Variants in BAIAP2 observed in about 807,000 individuals in gnomAD.
BAIAP2 encodes BAR/IMD domain-containing adapter protein 2.
Under a neutral mutation model 63.0 loss-of-function variants are expected in BAIAP2, and 18 were observed. The observed-to-expected ratio is 0.29, with a 90% CI of 0.20 to 0.42. BAIAP2 has a LOEUF of 0.42. Ranked by LOEUF, BAIAP2 falls within the 10% of genes least tolerant of loss-of-function variation. The pLI, the probability that BAIAP2 is intolerant of heterozygous loss-of-function variation, is 1.00. For synonymous variants in BAIAP2, 386 were observed against 307.6 expected (o/e 1.25, Z -2.67); for missense variants, 610 against 734.3 (o/e 0.83, Z 1.96).
rs1361979470 is a variant in BAIAP2 at position 81,098,847 on chromosome 17, G to A, written c.490-1081G>A. On this transcript the variant is annotated intron_variant, in intron 6 of 13. Coordinates refer to ENST00000428708, the MANE Select transcript of BAIAP2 (RefSeq NM_001144888.2). ...CGGGTCAGGGTGGGGACCGCCTGCTGGCTGCCCTGGTTCTAGGGTCTGGCT... is the reference window on the plus strand; with the variant it reads ...CGGGTCAGGGTGGGGACCGCCTGCTAGCTGCCCTGGTTCTAGGGTCTGGCT... 3.7e-4 allele frequency among the ~76,000 whole-genome samples: 56 copies of A among 152,232 alleles called. 1 individual carries two copies. Among genetic ancestry groups the A allele is most frequent in the Admixed American group, 3.6e-3 (55 of 15,290 alleles).
intron 1 of BAIAP2, chr17:81,035,885 C>CTGGGT (rs2046180211): frequency 6.6e-6 from 1 of 152,282 alleles, no homozygotes; most frequent in Non-Finnish European, 1.5e-5. Context: ...GGCGCCCATG[C>CTGGGT]TGGGGCCTAA....
Position 81,104,666 on chromosome 17 carries a change from C to A in BAIAP2, c.1219C>A (p.Pro407Thr). Residue 407 changes from proline (P) to threonine (T), a missense_variant, in exon 10 of 14, where the codon CCT becomes ACT. Physicochemically the swap from Pro to Thr is conservative, Grantham distance 38. This residue lies in a region of BAIAP2 where 67 missense variants were observed against 132.0 expected (regional missense o/e 0.51). Transcript: ENST00000428708. ...GGGTGACCTCATTACCCTGCTGGTG[C>A]CTGAGGCCCGCGATGGCTGGCACTA... is the stretch of plus-strand genomic sequence containing the variant. ...KEGDLITLLV[P>T]EARDGWHYGE... The A allele has an allele frequency of 6.2e-7, 1 of 1,606,586 alleles. No homozygotes were observed. Among genetic ancestry groups the A allele is most frequent in the South Asian group, 1.1e-5 (1 of 90,052 alleles).
chr17:81,098,035 G>GC, intron 6 of BAIAP2: 1 of 1,113,024 alleles, frequency 9.0e-7, no homozygotes, highest in Non-Finnish European at 1.1e-6. Context: ...TAGGGCTGTG[G>GC]TGTCACGCGC....
At chr17:81,087,217 C>T (rs1390523511) in intron 6 of BAIAP2, among the ~76,000 whole-genome samples, 1 of 152,212 alleles carries the variant, frequency 6.6e-6, no homozygotes, top group Non-Finnish European at 1.5e-5. Context: ...GTAAAGGAAA[C>T]ATCAGGAAAA....
intron 1 of BAIAP2, among the ~76,000 whole-genome samples, chr17:81,050,566 G>A (rs1299726350): frequency 6.6e-6 from 1 of 152,132 alleles, no homozygotes; most frequent in African/African-American, 2.4e-5. Flanking sequence ...CTTCCACCCG[G>A]GGGCCTGTGG....
chr17:81,085,624 A>G (rs1324187282), intron 4 of BAIAP2, 30 bp from the exon 5 acceptor site: 21 of 1,597,518 alleles, frequency 1.3e-5, no homozygotes, highest in Non-Finnish European at 1.8e-5. Flanking sequence ...GTTGGAGCTG[A>G]CGGCTGATGT....
At chr17:81,066,152 G>A (rs1005248662) in intron 3 of BAIAP2, among the ~76,000 whole-genome samples, 26 of 152,368 alleles carry the variant, frequency 1.7e-4, no homozygotes, top group Middle Eastern at 3.4e-3. Context: ...GTGTGTTTTT[G>A]TCCTTTGAAG....
intron 12 of BAIAP2, 186 bp downstream of exon 12, chr17:81,107,093 C>CGCCTCGCCGCAGCAGGCTCCCT: frequency 1.5e-6 from 1 of 689,276 alleles, no homozygotes; most frequent in South Asian, 2.3e-5. Flanking sequence ...TCAGGCTGCC[C>CGCCTCGCCGCAGCAGGCTCCCT]GCCTCGCCGC....
At chr17:81,084,686 C>G in intron 3 of BAIAP2, 146 bp from the exon 4 acceptor site, 1 of 731,426 alleles carries the variant, frequency 1.4e-6, no homozygotes, top group Middle Eastern at 2.4e-4. Context: ...CCCCTCTCCG[C>G]CCTCCCTTCT....
intron 5 of BAIAP2, 118 bp downstream of exon 5, chr17:81,085,843 T>G: frequency 1.3e-6 from 1 of 763,922 alleles, no homozygotes; most frequent in Non-Finnish European, 2.2e-6. Flanking sequence ...CCCGTCCACA[T>G]GGGCCCCAGC....
intron 13 of BAIAP2, among the ~76,000 whole-genome samples, chr17:81,111,500 C>T (rs920894051): frequency 6.6e-6 from 1 of 152,258 alleles, no homozygotes; most frequent in African/African-American, 2.4e-5. Context: ...CTTGCCTCTT[C>T]TGTCCCCCAA....
chr17:81,075,641 C>T (rs925000520), intron 3 of BAIAP2, among the ~76,000 whole-genome samples: 1 of 152,232 alleles, frequency 6.6e-6, no homozygotes, highest in African/African-American at 2.4e-5. Context: ...AAGGACCCTA[C>T]CTCCACCTGT....
intron 1 of BAIAP2, among the ~76,000 whole-genome samples, chr17:81,044,084 T>A (rs1004802975): frequency 5.3e-5 from 8 of 152,192 alleles, no homozygotes; most frequent in African/African-American, 1.7e-4. Flanking sequence ...CCTGTGTTCC[T>A]GAGTGTGGCC....
rs1326178487 is a variant in BAIAP2, at chr17:81,106,899, T to C, written c.1492T>C (p.Phe498Leu). The change falls in exon 12 of 14, where the codon TTC becomes CTC. Residue 498 changes from phenylalanine (F) to leucine (L), a missense_variant. Phe to Leu is a conservative substitution (Grantham distance 22, BLOSUM62 0). Around this residue, in one of 5 missense-constraint regions of BAIAP2, gnomAD observed 114 missense variants for 98.2 expected, o/e 1.16. Transcript: ENST00000428708. ...GCCCTACAGTGTGGCCGTGCCCGCC[T>C]TCTCCCAGGTCAGTGGGCGGGGCCG... ...QRPYSVAVPA[F>L]SQGLDDYGAR... 1.5e-5 allele frequency: 24 copies of C among 1,552,530 alleles called. No individual in the cohort carries two copies. The highest frequency in any genetic ancestry group is 1.9e-5 in the Non-Finnish European group (22 of 1,148,962).
At position 81,102,612 on chromosome 17, in the gene BAIAP2, C is replaced by A. The variant is rs2058647814; in HGVS notation, c.643-890C>A. Among the ~76,000 whole-genome samples the A allele has an allele frequency of 2.6e-5, 4 of 152,332 alleles. No individual in the cohort carries two copies. The South Asian group carries it at 8.3e-4, about 32-fold the overall frequency. ...GTGGTTTGCTGACCCCTGGTCTGAGCCAGCAGCAGAGGGGTAGGGGTGGCA... is the reference window on the plus strand; with the variant it reads ...GTGGTTTGCTGACCCCTGGTCTGAGACAGCAGCAGAGGGGTAGGGGTGGCA... On this transcript the variant is annotated intron_variant, in intron 7 of 13. Coordinates refer to ENST00000428708, the MANE Select transcript of BAIAP2 (RefSeq NM_001144888.2).
At chr17:81,040,675 A>G (rs1292017467) in intron 1 of BAIAP2, among the ~76,000 whole-genome samples, 1 of 152,232 alleles carries the variant, frequency 6.6e-6, no homozygotes, top group Non-Finnish European at 1.5e-5. Flanking sequence ...GCCTTTGCTG[A>G]GGGTTTGCTC....
rs566311465 is a variant in BAIAP2, at chr17:81,055,588, C to T, written c.130+1845C>T. ...CAGGGTGTTTTGTTTTTTTTTGAGA[C>T]GGAGTCTCACTCTGTTGCCCAGGCC... On this transcript the variant is annotated intron_variant, in intron 2 of 13. Coordinates refer to ENST00000428708, the MANE Select transcript of BAIAP2 (RefSeq NM_001144888.2). 4.3e-3 allele frequency among the ~76,000 whole-genome samples: 15 copies of T among 3,454 alleles called. No individual in the cohort carries two copies. In the South Asian group the frequency reaches 0.053, roughly 12 times the overall value. 2.3% of individuals were successfully genotyped at this position (3,454 alleles called of 152,430 possible).
intron 7 of BAIAP2, among the ~76,000 whole-genome samples, chr17:81,100,749 C>T (rs978774218): frequency 1.3e-4 from 20 of 152,258 alleles, no homozygotes; most frequent in Admixed American, 1.3e-3. Flanking sequence ...CCTGGGTAGC[C>T]AGGGGCCCTG....
intron 7 of BAIAP2, 103 bp from the exon 8 acceptor site, chr17:81,103,399 C>A: frequency 9.0e-7 from 1 of 1,111,382 alleles, no homozygotes; most frequent in Admixed American, 2.5e-5. Flanking sequence ...TGAAGAGCAG[C>A]CTCCAGCCCC....
Sources: allele counts gnomAD v4.1 joint callset (sites outside exome capture counted in the v4.1 genomes callset), GRCh38; gene constraint gnomAD v4.1.1; regional missense constraint gnomAD v4.1.1; transcripts MANE v1.5; gene names NCBI Gene and HGNC (gene_info 2026-07-23, HGNC 2026-07-21).